The following CSMD1 variants were observed in gnomAD, a reference collection of about 807,000 sequenced individuals.
CSMD1 encodes the protein CUB and Sushi multiple domains 1.
A neutral mutation model predicts 417.5 loss-of-function variants in CSMD1; 213 were observed. That is an observed-to-expected ratio of 0.51 (90% CI 0.46 to 0.57). CSMD1 has a LOEUF of 0.57. Among genes scored for constraint, CSMD1 ranks in the 20% least tolerant of loss-of-function variants. CSMD1 has a pLI of 0.00. For synonymous variants in CSMD1, 2,862 were observed against 1,736.8 expected, an observed-to-expected ratio of 1.65 and a Z score of -16.11; for missense variants, 6,923 against 4,529.7, an observed-to-expected ratio of 1.53 and a Z score of -15.17.
At chr8:4,960,295 C>T (rs182463747) in intron 1 of CSMD1, among the ~76,000 whole-genome samples, 13 of 152,176 alleles carry the variant, frequency 8.5e-5, no homozygotes, top group South Asian at 2.1e-4. Context: ...AATTTTGCAA[C>T]GCCCCTGATA....
intron 1 of CSMD1, among the ~76,000 whole-genome samples, chr8:4,818,618 G>C (rs561595051): frequency 6.6e-6 from 1 of 152,090 alleles, no homozygotes; most frequent in Admixed American, 6.6e-5. Context: ...ACACCCTTGA[G>C]GGAAAGTGCC....
chr8:4,642,013 G>A (rs963742247), intron 1 of CSMD1, among the ~76,000 whole-genome samples: 5 of 152,166 alleles, frequency 3.3e-5, no homozygotes, highest in African/African-American at 7.2e-5. Flanking sequence ...TTTGGATTTG[G>A]ATTAAATACT....
At chr8:4,107,831 G>C (rs755036715) in intron 3 of CSMD1, among the ~76,000 whole-genome samples, 1 of 152,224 alleles carries the variant, frequency 6.6e-6, no homozygotes, top group Admixed American at 6.5e-5. Context: ...TAAGAACGAA[G>C]AGACAGGCTG....
At chr8:4,015,740 G>A (rs1197182053) in intron 4 of CSMD1, among the ~76,000 whole-genome samples, 2 of 148,888 alleles carry the variant, frequency 1.3e-5, no homozygotes, top group African/African-American at 4.9e-5. Context: ...TACTGACAAT[G>A]TGTTTTGACA....
intron 8 of CSMD1, among the ~76,000 whole-genome samples, chr8:3,614,770 C>G (rs958919732): frequency 6.6e-6 from 1 of 152,196 alleles, no homozygotes; most frequent in Non-Finnish European, 1.5e-5. Flanking sequence ...TTGTGCCACG[C>G]ACAGTTTTAG....
intron 1 of CSMD1, among the ~76,000 whole-genome samples, chr8:4,664,053 T>C (rs1331700723): frequency 1.3e-5 from 2 of 152,162 alleles, no homozygotes; most frequent in Non-Finnish European, 2.9e-5. Flanking sequence ...TGAAATCGCC[T>C]CTGTGAACTG....
At chr8:4,619,638 A>G (rs1801658578) in intron 2 of CSMD1, among the ~76,000 whole-genome samples, 1 of 152,138 alleles carries the variant, frequency 6.6e-6, no homozygotes, top group Non-Finnish European at 1.5e-5. Flanking sequence ...TACTCTAGCC[A>G]CATGGGACGT....
At chr8:4,026,294 C>A (rs1275726555) in intron 4 of CSMD1, among the ~76,000 whole-genome samples, 1 of 152,030 alleles carries the variant, frequency 6.6e-6, no homozygotes, top group South Asian at 2.1e-4. Flanking sequence ...CATACTACAC[C>A]AGACACTGAG....
intron 5 of CSMD1, among the ~76,000 whole-genome samples, chr8:3,914,813 T>C (rs537955921): frequency 6.6e-6 from 1 of 152,258 alleles, no homozygotes; most frequent in South Asian, 2.1e-4. Context: ...TGACATCTAC[T>C]CTACTGAGTG....
In CSMD1 at chr8:4,394,747, G is replaced by C. The variant is rs146189952; in HGVS notation, c.415+25206C>G. On this transcript the variant is annotated intron_variant, in intron 3 of 69. Coordinates refer to ENST00000635120, the MANE Select transcript of CSMD1 (RefSeq NM_033225.6). ...AAAGAGTGACATTTTCTCTTTTCCT[G>C]ATCTTAATCAGATCCATCTGCACCT... is the stretch of plus-strand genomic sequence containing the variant. 7.0e-4 allele frequency among the ~76,000 whole-genome samples: 106 copies of C among 152,226 alleles called. No individual in the cohort carries two copies. The South Asian group carries it at 9.8e-3, about 14-fold the overall frequency.
intron 3 of CSMD1, among the ~76,000 whole-genome samples, chr8:4,182,167 T>C (rs73658440): frequency 0.011 from 1,599 of 152,142 alleles, 27 homozygotes; most frequent in African/African-American, 0.036. Flanking sequence ...ACCAACAAAA[T>C]AGACCTATTA....
At chr8:3,416,492 G>C (rs1004040748) in intron 12 of CSMD1, among the ~76,000 whole-genome samples, 1 of 152,110 alleles carries the variant, frequency 6.6e-6, no homozygotes, top group African/African-American at 2.4e-5. Flanking sequence ...AATGTATTCG[G>C]TGTATACTTG....
chr8:4,087,111 A>G (rs183021671), intron 3 of CSMD1, among the ~76,000 whole-genome samples: 1 of 152,190 alleles, frequency 6.6e-6, no homozygotes, highest in African/African-American at 2.4e-5. Context: ...AGCAACTGGC[A>G]TTCAATCTCT....
In CSMD1 at chr8:3,782,907, A is replaced by C. The variant is rs150353712; in HGVS notation, c.819-28865T>G. ...GCCATTACCAAAAAATAAATAAATA[A>C]ATAAAACTGTGGTTAAAAATACATG... On this transcript the variant is annotated intron_variant, in intron 5 of 69. Coordinates refer to ENST00000635120, the MANE Select transcript of CSMD1 (RefSeq NM_033225.6). Among the ~76,000 whole-genome samples, 884 of 152,312 alleles carry C rather than the reference A, an allele frequency of 5.8e-3. 14 individuals carry two copies. Among genetic ancestry groups the C allele is most frequent in the African/African-American group, 0.02 (831 of 41,560 alleles).
chr8:4,570,784 G>A (rs887130943), intron 2 of CSMD1, among the ~76,000 whole-genome samples: 2 of 152,076 alleles, frequency 1.3e-5, no homozygotes, highest in Non-Finnish European at 2.9e-5. Context: ...GGCTTTTATT[G>A]TTTGGTAGGC....
rs373630996 is a variant in CSMD1 at position 3,801,207 on chromosome 8, A to G, written c.819-47165T>C. On this transcript the variant is annotated intron_variant, in intron 5 of 69. Transcript: ENST00000635120. The stretch of plus-strand genomic sequence containing the variant: ...ATGAGAGAAAATATTTGCAAATACT[A>G]CATCCAAAACGGTCTAATAACCAGA... Among the ~76,000 whole-genome samples the G allele has an allele frequency of 3.9e-5, 6 of 152,158 alleles. No individual in the cohort carries two copies. In the South Asian group the frequency reaches 1.2e-3, roughly 32 times the overall value.
chr8:4,652,444 G>A (rs1039217193), intron 1 of CSMD1, among the ~76,000 whole-genome samples: 2 of 152,036 alleles, frequency 1.3e-5, no homozygotes, highest in East Asian at 1.9e-4. Flanking sequence ...AAAGAGACAA[G>A]CGGGGTCAGT....
chr8:3,642,006 C>T (rs1365089746), intron 7 of CSMD1, among the ~76,000 whole-genome samples: 1 of 152,104 alleles, frequency 6.6e-6, no homozygotes, highest in African/African-American at 2.4e-5. Flanking sequence ...GCCCCAGAAG[C>T]TAGGTTTCCC....
At chr8:3,532,287 G>A (rs931817191) in intron 10 of CSMD1, among the ~76,000 whole-genome samples, 1 of 152,146 alleles carries the variant, frequency 6.6e-6, no homozygotes, top group Admixed American at 6.5e-5. Context: ...GATTCTGCAT[G>A]GTGTCACTGG....
Sources: gnomAD v4.1 joint callset for allele counts (sites outside exome capture counted in the v4.1 genomes callset) on GRCh38, gnomAD v4.1.1 for gene constraint, MANE v1.5 for transcripts, NCBI Gene and HGNC (gene_info 2026-07-23, HGNC 2026-07-21) for gene names.